TSGA10: variants seen among roughly 807,000 people sequenced by gnomAD.
TSGA10 encodes testis-specific gene 10 protein.
TSGA10 carries 43 observed loss-of-function variants against 96.6 expected under a neutral mutation model. The observed-to-expected ratio is 0.44, with a 90% confidence interval of 0.35 to 0.57. The LOEUF is 0.57. TSGA10 is among the 20% of genes least tolerant of loss of function. The probability of loss-of-function intolerance (pLI) is 0.01; values close to 1 mark genes in which losing one functional copy is unlikely to be tolerated. For missense variants in TSGA10, 703 were observed against 834.4 expected, an observed-to-expected ratio of 0.84 and a Z score of 1.94; for synonymous variants, 229 against 269.9, an observed-to-expected ratio of 0.85 and a Z score of 1.48.
intron 1 of TSGA10, among the ~76,000 whole-genome samples, chr2:99,133,463 T>C (rs2093189960): frequency 6.6e-6 from 1 of 152,214 alleles, no homozygotes; most frequent in East Asian, 1.9e-4. Flanking sequence ...TCCCTTTATT[T>C]TGAGCCTATG....
chr2:99,060,554 A>C (rs2084566779), intron 16 of TSGA10, among the ~76,000 whole-genome samples: 1 of 152,168 alleles, frequency 6.6e-6, no homozygotes, highest in Non-Finnish European at 1.5e-5. Flanking sequence ...AATGCTAATC[A>C]AACCCCAAGT....
In TSGA10 at chr2:99,137,623, T is replaced by C. The variant is rs987662918; in HGVS notation, c.-620-10447A>G. ...ACAGGATCTCATTATTTTGAAGTGATTGATATGATATCAGTGTGGAGAATA... is the reference window on the plus strand; with the variant it reads ...ACAGGATCTCATTATTTTGAAGTGACTGATATGATATCAGTGTGGAGAATA... On this transcript the variant is annotated intron_variant, in intron 1 of 20. Transcript: ENST00000393483. Among the ~76,000 whole-genome samples the C allele has an allele frequency of 3.9e-5, 6 of 152,134 alleles. No homozygotes were observed. In the East Asian group the frequency reaches 9.6e-4, roughly 24 times the overall value.
chr2:99,015,652 G>A (rs990125696), intron 20 of TSGA10, among the ~76,000 whole-genome samples: 4 of 152,030 alleles, frequency 2.6e-5, no homozygotes, highest in African/African-American at 4.8e-5. Flanking sequence ...TAGACAGAGC[G>A]ATCACACAAG....
At chr2:99,046,044 C>G (rs1181509641) in intron 16 of TSGA10, among the ~76,000 whole-genome samples, 1 of 152,016 alleles carries the variant, frequency 6.6e-6, no homozygotes, top group Non-Finnish European at 1.5e-5. Context: ...ATATATGTAC[C>G]CAATACAGGA....
chr2:99,119,413 A>C (rs1459440703), intron 2 of TSGA10, among the ~76,000 whole-genome samples: 1 of 152,194 alleles, frequency 6.6e-6, no homozygotes, highest in African/African-American at 2.4e-5. Flanking sequence ...AAATTTTAAA[A>C]TGCCATTTAT....
chr2:99,060,022 T>C (rs1182703878), intron 16 of TSGA10, among the ~76,000 whole-genome samples: 3 of 151,468 alleles, frequency 2.0e-5, no homozygotes. Flanking sequence ...GCAAAAAATA[T>C]CCACTCTCAC....
At chr2:99,029,528 C>T (rs958456442) in intron 17 of TSGA10, among the ~76,000 whole-genome samples, 57 of 151,896 alleles carry the variant, frequency 3.8e-4, no homozygotes, top group African/African-American at 1.3e-3. Flanking sequence ...TATTTTTGAC[C>T]CTAACTTCTC....
chr2:99,145,017 C>G (rs1341364056), intron 1 of TSGA10, among the ~76,000 whole-genome samples: 1 of 152,184 alleles, frequency 6.6e-6, no homozygotes, highest in Non-Finnish European at 1.5e-5. Flanking sequence ...AATTTATTAT[C>G]ACACGGTTCT....
intron 15 of TSGA10, among the ~76,000 whole-genome samples, chr2:99,067,784 T>A (rs1182860934): frequency 6.6e-6 from 1 of 151,962 alleles, no homozygotes; most frequent in Admixed American, 6.5e-5. Flanking sequence ...GAGGCAAAGG[T>A]TGCAGTGAGC....
intron 1 of TSGA10, among the ~76,000 whole-genome samples, chr2:99,130,406 C>T (rs565412251): frequency 2.6e-5 from 4 of 152,016 alleles, no homozygotes; most frequent in Middle Eastern, 3.4e-3. Flanking sequence ...CATGTTTGTT[C>T]GCTGCATAAA....
rs139748405 is a variant in TSGA10, at chr2:99,119,593, A to G, written c.-491-907T>C. Among the ~76,000 whole-genome samples, 940 of 152,208 alleles carry G rather than the reference A, an allele frequency of 6.2e-3. 13 individuals are homozygous for G. Among genetic ancestry groups the G allele is most frequent in the African/African-American group, 0.022 (910 of 41,494 alleles). The stretch of plus-strand genomic sequence containing the variant: ...CTCCTTATGAGAATCCTCAAGGAAA[A>G]CCCTACTTAGGCTTCAATTTCAGGA... On this transcript the variant is annotated intron_variant, in intron 2 of 20. Transcript: ENST00000393483.
At chr2:99,050,519 G>C (rs2104346803) in intron 16 of TSGA10, among the ~76,000 whole-genome samples, 1 of 152,156 alleles carries the variant, frequency 6.6e-6, no homozygotes, top group East Asian at 1.9e-4. Context: ...ATGTATAACA[G>C]TAATAGAAAA....
At chr2:99,092,376 T>C (rs1416545659) in intron 10 of TSGA10, among the ~76,000 whole-genome samples, 2 of 151,636 alleles carry the variant, frequency 1.3e-5, no homozygotes, top group Non-Finnish European at 2.9e-5. Flanking sequence ...CTCAAGAAAC[T>C]AGAGAAACAA....
chr2:99,068,741 A>G (rs577354982), intron 15 of TSGA10, 147 bp downstream of exon 15: 15 of 395,864 alleles, frequency 3.8e-5, no homozygotes, highest in Admixed American at 2.3e-4. Context: ...CATTCTAAAT[A>G]TGTAGTTAAC....
At chr2:99,124,324 G>A (rs1469852751) in intron 2 of TSGA10, among the ~76,000 whole-genome samples, 1 of 152,086 alleles carries the variant, frequency 6.6e-6, no homozygotes, top group Non-Finnish European at 1.5e-5. Context: ...TTTTCTGGGG[G>A]GAAAGGGGCT....
At chr2:99,117,860 G>T in intron 3 of TSGA10, 101 bp from the exon 4 acceptor site, 1 of 464,344 alleles carries the variant, frequency 2.2e-6, no homozygotes, top group Non-Finnish European at 2.8e-6. Flanking sequence ...TGCTTCCCTG[G>T]CAAAGAAACT....
Position 99,013,578 on chromosome 2 carries a change from G to T in TSGA10, c.2072+4622C>A, listed in dbSNP as rs187875675. On this transcript the variant is annotated intron_variant, in intron 20 of 20. Transcript: ENST00000393483. ...AATCTCCTGATGTCGTGATCCGCCT[G>T]CCTCCGCCCCCCAAAGTGCTGGGAT... 3.3e-3 allele frequency among the ~76,000 whole-genome samples: 493 copies of T among 151,638 alleles called. 1 individual carries two copies. Among genetic ancestry groups the T allele is most frequent in the African/African-American group, 0.011 (466 of 41,370 alleles).
intron 1 of TSGA10, among the ~76,000 whole-genome samples, chr2:99,127,710 A>AACT (rs2104999940): frequency 3.7e-5 from 1 of 27,354 alleles, no homozygotes; most frequent in South Asian, 1.4e-3. Flanking sequence ...CACAAATTAA[A>AACT]ACACTGAGAT....
Position 99,105,647 on chromosome 2 carries a change from C to G in TSGA10, c.261G>C (p.Lys87Asn). The change falls in exon 8 of 21, where the codon AAG becomes AAC. Residue 87 changes from lysine to asparagine, a missense_variant. By Grantham distance (94) the Lys-to-Asn change is moderately conservative. Around this residue, in one of 3 missense-constraint regions of TSGA10, gnomAD observed 585 missense variants for 656.8 expected, o/e 0.89. Coordinates refer to ENST00000393483, the MANE Select transcript of TSGA10 (RefSeq NM_025244.4). Reference protein sequence around the residue: ...RLRREMMKSCKSPKSTTAHAI... With the variant: ...RLRREMMKSCNSPKSTTAHAI... ...CATGTGCCGTTGTTGATTTAGGACT[C>G]TTACAGCTTTTCATCATTTCTCGTC... The G allele has an allele frequency of 6.3e-7, 1 of 1,597,354 alleles. No homozygotes were observed.
Sources: gnomAD v4.1 joint callset for allele counts (sites outside exome capture counted in the v4.1 genomes callset) on GRCh38, gnomAD v4.1.1 for gene constraint, gnomAD v4.1.1 regional missense constraint, MANE v1.5 for transcripts, NCBI Gene and HGNC (gene_info 2026-07-23, HGNC 2026-07-21) for gene names.